EPB41L1: variants seen among roughly 807,000 people sequenced by gnomAD.
EPB41L1 encodes erythrocyte membrane protein band 4.1 like 1, also known as band 4.1-like protein 1.
Under a neutral mutation model 97.8 loss-of-function variants are expected in EPB41L1, and 29 were observed. That is an observed-to-expected ratio of 0.30 (90% CI 0.22 to 0.40). The LOEUF (loss-of-function observed/expected upper bound fraction) is 0.40. Among genes scored for constraint, EPB41L1 ranks in the 10% least tolerant of loss-of-function variants. The pLI, the probability that EPB41L1 is intolerant of heterozygous loss-of-function variation, is 1.00. For synonymous variants in EPB41L1, 383 were observed against 459.2 expected (o/e 0.83, Z 2.12); for missense variants, 812 against 1,162.3 (o/e 0.70, Z 4.38).
chr20:36,179,057 A>G (rs557167804), intron 5 of EPB41L1, among the ~76,000 whole-genome samples: 1 of 151,690 alleles, frequency 6.6e-6, no homozygotes, highest in East Asian at 1.9e-4. Context: ...CCTGGGCAAC[A>G]GAGCAAAATT....
At position 36,218,971 on chromosome 20, in the gene EPB41L1, G is replaced by T; in HGVS notation, c.2355+9G>T. On this transcript the variant is annotated intron_variant, in intron 18 of 21. Coordinates refer to ENST00000338074, the MANE Select transcript of EPB41L1 (RefSeq NM_012156.2). ...TCCGTTCTCTTTCTCCGGTAAGTGG[G>T]CAAGGCCAGCTCAGGCTAGGGGACT... 1.2e-6 allele frequency: 2 copies of T among 1,613,612 alleles called. No individual in the cohort carries two copies. The highest frequency in any genetic ancestry group is 1.7e-6 in the Non-Finnish European group (2 of 1,179,744).
chr20:36,221,171 C>T (rs374487888), intron 19 of EPB41L1, among the ~76,000 whole-genome samples: 4 of 152,342 alleles, frequency 2.6e-5, no homozygotes, highest in East Asian at 1.9e-4. Flanking sequence ...CTGGGATTCC[C>T]CACAGACACC....
Position 36,191,562 on chromosome 20 carries a change from GC to G in EPB41L1, c.1300+768del, listed in dbSNP as rs544945264. ...ACCTACTAAATCAGCACCCTTCAGGGCCCAAGTCTCTCCCCAGGATGTACAC... is the reference window on the plus strand; with the variant it reads ...ACCTACTAAATCAGCACCCTTCAGGGCCAAGTCTCTCCCCAGGATGTACAC... On this transcript the variant is annotated intron_variant, in intron 11 of 21. Coordinates refer to ENST00000338074, the MANE Select transcript of EPB41L1 (RefSeq NM_012156.2). 7.8e-4 allele frequency among the ~76,000 whole-genome samples: 118 copies of G among 152,222 alleles called. 1 individual carries two copies. The highest frequency in any genetic ancestry group is 2.7e-3 in the African/African-American group (112 of 41,522).
At chr20:36,205,130 C>T (rs1024278245) in intron 14 of EPB41L1, among the ~76,000 whole-genome samples, 5 of 152,206 alleles carry the variant, frequency 3.3e-5, no homozygotes, top group East Asian at 1.9e-4. Flanking sequence ...CTGGCACTAA[C>T]GTGGTCATGT....
chr20:36,149,460 CTGCAG>C (rs1027772747), intron 2 of EPB41L1, among the ~76,000 whole-genome samples: 41 of 152,320 alleles, frequency 2.7e-4, no homozygotes, highest in Admixed American at 2.4e-3. Context: ...TCTCTGGGAA[CTGCAG>C]TGCTTTGAGA....
chr20:36,110,314 GAA>G (rs2058349664), intron 1 of EPB41L1, among the ~76,000 whole-genome samples: 1 of 152,186 alleles, frequency 6.6e-6, no homozygotes, highest in Non-Finnish European at 1.5e-5. Context: ...GCAAGAGGGA[GAA>G]AGAGAGAGAG....
At chr20:36,158,168 T>C (rs2060387915) in intron 1 of EPB41L1, among the ~76,000 whole-genome samples, 1 of 151,998 alleles carries the variant, frequency 6.6e-6, no homozygotes, top group South Asian at 2.1e-4. Flanking sequence ...ACCTAGGCAG[T>C]GTGGGTCAGA....
chr20:36,229,004 T>G (rs971259487), intron 21 of EPB41L1, among the ~76,000 whole-genome samples: 3 of 152,048 alleles, frequency 2.0e-5, no homozygotes, highest in Non-Finnish European at 4.4e-5. Flanking sequence ...ATCCAACAGA[T>G]GTGGGTTCGG....
intron 6 of EPB41L1, among the ~76,000 whole-genome samples, chr20:36,184,344 A>G (rs976528124): frequency 6.6e-6 from 1 of 152,242 alleles, no homozygotes; most frequent in Non-Finnish European, 1.5e-5. Flanking sequence ...TTTTTAATAC[A>G]TAGTAACCAA....
chr20:36,217,878 C>A (rs556396564), intron 17 of EPB41L1, among the ~76,000 whole-genome samples: 1 of 152,202 alleles, frequency 6.6e-6, no homozygotes, highest in South Asian at 2.1e-4. Context: ...TAGTGCCATG[C>A]CTGGACCAGA....
chr20:36,147,743 G>T (rs1045167082), intron 2 of EPB41L1, among the ~76,000 whole-genome samples: 5 of 152,180 alleles, frequency 3.3e-5, no homozygotes. Flanking sequence ...CACACACACA[G>T]CTTTTCTCCT....
rs548132209 is a variant in EPB41L1 at position 36,125,142 on chromosome 20, C to T, written c.-10+12662C>T. Among the ~76,000 whole-genome samples the T allele has an allele frequency of 2.0e-5, 3 of 152,222 alleles. No individual in the cohort carries two copies. In the South Asian group the frequency reaches 6.2e-4, roughly 32 times the overall value. ...GCTGTGCTGTATGGTGGTGGGGTTG[C>T]AGGGTTGGGGACAAACCCAGAGAGA... On this transcript the variant is annotated intron_variant, in intron 2 of 19. Transcript: ENST00000202028.
chr20:36,179,724 G>A (rs1319882469), intron 5 of EPB41L1, among the ~76,000 whole-genome samples: 1 of 152,240 alleles, frequency 6.6e-6, no homozygotes, highest in Non-Finnish European at 1.5e-5. Context: ...CTGGAAAGCT[G>A]TAGCTGAGCC....
intron 7 of EPB41L1, 32 bp from the exon 8 acceptor site, chr20:36,187,644 T>C (rs760163715): frequency 6.3e-7 from 1 of 1,595,942 alleles, no homozygotes; most frequent in South Asian, 1.1e-5. Flanking sequence ...GGCCTTTCCC[T>C]TGGTCACCTG....
rs758264158 is a variant in EPB41L1, at chr20:36,212,974, C to T, written c.2184+598C>T. On this transcript the variant is annotated intron_variant, in intron 16 of 21. Transcript: ENST00000338074. This position sits in a 1 kb window ranked among gnomAD's most constrained non-coding sequence, Gnocchi z 4.8. ...CCCACGACTTCCAGTCCATTCCCTG[C>T]ACTCCTTCCATGCTTTTTAAACTTA... Among the ~76,000 whole-genome samples the T allele has an allele frequency of 6.6e-5, 10 of 152,224 alleles. No individual in the cohort carries two copies. The highest frequency in any genetic ancestry group is 1.2e-4 in the Non-Finnish European group (8 of 68,042).
intron 2 of EPB41L1, among the ~76,000 whole-genome samples, chr20:36,124,388 T>C (rs6141600): frequency 0.38 from 57,300 of 152,128 alleles, 12,786 homozygotes; most frequent in African/African-American, 0.63. Context: ...GTGAGCCGGT[T>C]CCTGCCTCCC....
At chr20:36,104,011 A>G (rs988750948) in intron 1 of EPB41L1, among the ~76,000 whole-genome samples, 3 of 152,094 alleles carry the variant, frequency 2.0e-5, no homozygotes, top group African/African-American at 7.2e-5. Context: ...CATTATTACC[A>G]TTGTTTCAAC....
intron 1 of EPB41L1, among the ~76,000 whole-genome samples, chr20:36,163,910 G>A (rs1348296711): frequency 6.6e-6 from 1 of 152,080 alleles, no homozygotes; most frequent in Non-Finnish European, 1.5e-5. Context: ...AGGCTAGAGT[G>A]CAGTAGCATG....
At chr20:36,197,609 C>T (rs530268663) in intron 13 of EPB41L1, 54 of 984,300 alleles carry the variant, frequency 5.5e-5, no homozygotes, top group East Asian at 1.1e-4. Flanking sequence ...AAGGGAGAAG[C>T]GAAGGTGGCT....
Sources: allele counts gnomAD v4.1 joint callset (sites outside exome capture counted in the v4.1 genomes callset), GRCh38; gene constraint gnomAD v4.1.1; non-coding constraint Gnocchi (gnomAD v3.1); transcripts MANE v1.5; gene names NCBI Gene and HGNC (gene_info 2026-07-23, HGNC 2026-07-21).